The following GTPBP10 variants were observed in gnomAD, a reference collection of about 807,000 sequenced individuals.
GTPBP10 encodes GTP binding protein 10, also known as GTP-binding protein 10.
In GTPBP10, 38 loss-of-function variants were observed where a neutral mutation model predicts 44.8. The ratio of observed to expected loss-of-function variants is 0.85; its 90% CI spans 0.65 to 1.11. GTPBP10 has a LOEUF of 1.11. Among genes scored for constraint, GTPBP10 ranks in the 50% most tolerant of loss-of-function variants. GTPBP10 has a pLI of 0.00. For synonymous variants in GTPBP10, 152 were observed against 150.6 expected, an observed-to-expected ratio of 1.01 and a Z score of -0.07; for missense variants, 462 against 453.7, an observed-to-expected ratio of 1.02 and a Z score of -0.17.
At chr7:90,362,555 A>G (rs13229851) in intron 4 of GTPBP10, among the ~76,000 whole-genome samples, 9,930 of 152,104 alleles carry the variant, frequency 0.065, 355 homozygotes, top group South Asian at 0.15. Context: ...ACTTCCAACT[A>G]TGTGGTCAAT....
chr7:90,386,716 A>T lies in GTPBP10; in HGVS notation c.*1562A>T, dbSNP rs1433692980. The T allele has an allele frequency of 6.6e-6, 1 of 152,102 alleles. No individual in the cohort carries two copies. The allele number at this position is 152,102 out of a possible 1,614,324, so 9.4% of individuals were successfully genotyped here. On this transcript the variant is annotated 3_prime_UTR_variant, in exon 10 of 10. Transcript: ENST00000222511. ...AAACGCAAACTTTAATATTATCAAC[A>T]ATCAATATATTATAAGAGATTGCAA...
chr7:90,380,205 A>C (rs1052821018), intron 8 of GTPBP10, among the ~76,000 whole-genome samples: 2 of 148,328 alleles, frequency 1.3e-5, no homozygotes, highest in Admixed American at 6.9e-5. Flanking sequence ...CAGCCTCCCC[A>C]GTAGCTGGGA....
chr7:90,360,878 A>G lies in GTPBP10; in HGVS notation c.464+5648A>G, dbSNP rs372039338. On this transcript the variant is annotated intron_variant, in intron 4 of 9. Coordinates refer to ENST00000222511, the MANE Select transcript of GTPBP10 (RefSeq NM_033107.4). Reference sequence around the variant, plus strand: ...TCCCTTGTAAGTTGGATTCCTAGCTATTTTATTCTCTTTGAAGCAATTGTG... The same window carrying G: ...TCCCTTGTAAGTTGGATTCCTAGCTGTTTTATTCTCTTTGAAGCAATTGTG... Among the ~76,000 whole-genome samples the G allele has an allele frequency of 1.4e-4, 21 of 152,086 alleles. 2 individuals carry two copies. The South Asian group carries it at 4.0e-3, about 29-fold the overall frequency.
rs769730280 is a variant in GTPBP10, at chr7:90,355,162, A to G, written c.396A>G (p.Leu132=). 8.7e-6 allele frequency: 14 copies of G among 1,607,266 alleles called. No individual in the cohort carries two copies. The African/African-American group carries it at 1.2e-4, about 14-fold the overall frequency. ...GTGGTAAATTACTTACAAATTTCTT[A>G]CCATTGAAAGGCCAGAAACGAATAA... The part of the protein sequence containing the change: ...GLGGKLLTNF[L]PLKGQKRIIH... The change falls in exon 4 of 10, where the codon TTA becomes TTG. Residue 132 remains leucine, a synonymous_variant. Transcript: ENST00000222511.
chr7:90,349,529 A>G (rs951625458), intron 1 of GTPBP10, among the ~76,000 whole-genome samples: 1 of 152,192 alleles, frequency 6.6e-6, no homozygotes, highest in Non-Finnish European at 1.5e-5. Context: ...CAATCCAGAG[A>G]AAAGGTTTTT....
At chr7:90,372,316 C>G (rs1486791529) in intron 5 of GTPBP10, 88 bp downstream of exon 5, 2 of 949,224 alleles carry the variant, frequency 2.1e-6, no homozygotes, top group Non-Finnish European at 3.2e-6. Flanking sequence ...AATGATAACT[C>G]GGAGGGTATC....
chr7:90,372,288 T>A, intron 5 of GTPBP10, 60 bp downstream of exon 5: 1 of 1,120,052 alleles, frequency 8.9e-7, no homozygotes, highest in Non-Finnish European at 1.3e-6. Flanking sequence ...AGACTAATAT[T>A]TCTCTGAGAA....
intron 9 of GTPBP10, 149 bp downstream of exon 9, chr7:90,383,228 C>G: frequency 2.1e-6 from 1 of 469,092 alleles, no homozygotes; most frequent in East Asian, 3.5e-5. Context: ...AACATTGTAA[C>G]ATAATAATTA....
rs1027867713 is a variant in GTPBP10 at position 90,389,826 on chromosome 7, G to T, written c.*4672G>T. The T allele has an allele frequency of 1.3e-5, 2 of 151,878 alleles. No individual in the cohort carries two copies. The highest frequency in any genetic ancestry group is 2.4e-5 in the African/African-American group (1 of 41,368). 9.4% of individuals were successfully genotyped at this position (151,878 alleles called of 1,614,324 possible). ...TTTATTTATTCTTTTTAGAGACAGG[G>T]TCTCTCTGTGGAGTGCAGTGGCATG... On this transcript the variant is annotated 3_prime_UTR_variant, in exon 10 of 10. Coordinates refer to ENST00000222511, the MANE Select transcript of GTPBP10 (RefSeq NM_033107.4).
At chr7:90,349,323 G>C (rs1230846030) in intron 1 of GTPBP10, among the ~76,000 whole-genome samples, 1 of 151,986 alleles carries the variant, frequency 6.6e-6, no homozygotes, top group Admixed American at 6.6e-5. Context: ...AGGTCCTTGC[G>C]ACCCCGTGAT....
chr7:90,363,901 A>T (rs935544815), intron 4 of GTPBP10, among the ~76,000 whole-genome samples: 1 of 152,190 alleles, frequency 6.6e-6, no homozygotes, highest in African/African-American at 2.4e-5. Flanking sequence ...TCAGTCACTG[A>T]TACCCTTTCT....
intron 4 of GTPBP10, among the ~76,000 whole-genome samples, chr7:90,370,700 G>C (rs1796241319): frequency 6.6e-6 from 1 of 152,090 alleles, no homozygotes; most frequent in South Asian, 2.1e-4. Context: ...TAAAGCTATT[G>C]AAATAAAAAC....
intron 6 of GTPBP10, among the ~76,000 whole-genome samples, chr7:90,376,151 C>T (rs1440747196): frequency 6.7e-6 from 1 of 149,316 alleles, no homozygotes; most frequent in Non-Finnish European, 1.5e-5. Context: ...GGGAGAATGG[C>T]GTGAACCTGG....
At chr7:90,383,949 G>A (rs866052079) in intron 9 of GTPBP10, among the ~76,000 whole-genome samples, 1 of 152,134 alleles carries the variant, frequency 6.6e-6, no homozygotes, top group Non-Finnish European at 1.5e-5. Flanking sequence ...CTGTCCTTGA[G>A]TTAATAAATT....
intron 4 of GTPBP10, among the ~76,000 whole-genome samples, chr7:90,356,398 T>A (rs769480021): frequency 1.3e-5 from 2 of 152,238 alleles, no homozygotes; most frequent in Non-Finnish European, 2.9e-5. Flanking sequence ...TAGGGTCTTA[T>A]GGACAAGACT....
At chr7:90,378,017 C>G (rs1796371816) in intron 7 of GTPBP10, 117 bp from the exon 8 acceptor site, 1 of 1,264,326 alleles carries the variant, frequency 7.9e-7, no homozygotes, top group African/African-American at 1.5e-5. Flanking sequence ...TACTAAGTAA[C>G]AAGTAGAGTA....
intron 5 of GTPBP10, among the ~76,000 whole-genome samples, chr7:90,372,499 T>TTTTTTTTTTTG (rs1326838600): frequency 2.7e-5 from 4 of 149,680 alleles, no homozygotes; most frequent in African/African-American, 5.0e-5. Flanking sequence ...TTTTTTTTTG[T>TTTTTTTTTTTG]GGGGACAGGG....
At position 90,385,162 on chromosome 7, in the gene GTPBP10, A is replaced by G; in HGVS notation, c.*8A>G. On this transcript the variant is annotated 3_prime_UTR_variant, in exon 10 of 10. Coordinates refer to ENST00000222511, the MANE Select transcript of GTPBP10 (RefSeq NM_033107.4). ...AAAATGGATATAATTTAAATATATT[A>G]AAAATGGTATTGATGGAACAGTATT... 1 of 1,569,268 alleles carries G rather than the reference A, an allele frequency of 6.4e-7. No individual in the cohort carries two copies. Among genetic ancestry groups the G allele is most frequent in the Non-Finnish European group, 8.7e-7 (1 of 1,152,040 alleles).
intron 5 of GTPBP10, among the ~76,000 whole-genome samples, chr7:90,372,482 C>CTTTTTTTTTTTTTTTTTTTCTTTTTTTTT (rs757973599): frequency 8.9e-6 from 1 of 112,236 alleles, no homozygotes; most frequent in African/African-American, 4.0e-5. Context: ...GCTTGGCTAA[C>CTTTTTTTTTTTTTTTTTTTCTTTTTTTTT]TTTTTTTTTT....
Sources: gnomAD v4.1 joint callset for allele counts (sites outside exome capture counted in the v4.1 genomes callset) on GRCh38, gnomAD v4.1.1 for gene constraint, MANE v1.5 for transcripts, NCBI Gene and HGNC (gene_info 2026-07-23, HGNC 2026-07-21) for gene names.